The following KIF15 variants were observed in gnomAD, a reference collection of about 807,000 sequenced individuals.
The protein encoded by KIF15 is kinesin family member 15.
KIF15 carries 140 observed loss-of-function variants against 190.6 expected under a neutral mutation model. The observed-to-expected ratio is 0.73, with a 90% confidence interval of 0.64 to 0.84. The LOEUF is 0.84. Among genes scored for constraint, KIF15 ranks in the 40% least tolerant of loss-of-function variants. The pLI, the probability that KIF15 is intolerant of heterozygous loss-of-function variation, is 0.00. For synonymous variants in KIF15, 528 were observed against 551.3 expected (o/e 0.96, Z 0.59); for missense variants, 1,372 against 1,584.4 (o/e 0.87, Z 2.28).
At position 44,794,408 on chromosome 3, in the gene KIF15, A is replaced by C. The variant is rs1338802522; in HGVS notation, c.831A>C (p.Ala277=). The C allele has an allele frequency of 6.2e-7, 1 of 1,602,616 alleles. No homozygotes were observed. The highest frequency in any genetic ancestry group is 8.5e-7 in the Non-Finnish European group (1 of 1,173,820). Reference sequence around the variant, plus strand: ...CTGAAAGGCAAAAAGATACCCATGCAGAAGGGATGAGATTGAAGGTAAGAA... The same window carrying C: ...CTGAAAGGCAAAAAGATACCCATGCCGAAGGGATGAGATTGAAGGTAAGAA... ...AGSERQKDTH[A]EGMRLKEAGN... is the part of the protein sequence containing the mutation. Residue 277 remains alanine, a synonymous_variant, in exon 8 of 35, where the codon GCA becomes GCC. Coordinates refer to ENST00000326047, the MANE Select transcript of KIF15 (RefSeq NM_020242.3).
chr3:44,770,101 GT>G, intron 1 of KIF15, among the ~76,000 whole-genome samples: 1 of 152,298 alleles, frequency 6.6e-6, no homozygotes, highest in East Asian at 1.9e-4. Context: ...AGCAGGGTTA[GT>G]TTTTAAACGA....
intron 1 of KIF15, among the ~76,000 whole-genome samples, chr3:44,763,691 C>CT (rs112801334): frequency 0.022 from 3,240 of 145,838 alleles, 59 homozygotes; most frequent in Non-Finnish European, 0.029. Context: ...CGATTCCCCC[C>CT]TTTTTTTTTT....
At chr3:44,804,842 C>A (rs1423551121) in intron 14 of KIF15, among the ~76,000 whole-genome samples, 185 bp from the exon 15 acceptor site, 2 of 152,104 alleles carry the variant, frequency 1.3e-5, no homozygotes, top group Non-Finnish European at 2.9e-5. Flanking sequence ...GGCATGGTGG[C>A]ATGCACCTGT....
intron 30 of KIF15, among the ~76,000 whole-genome samples, chr3:44,845,568 A>C (rs1245358491): frequency 3.3e-5 from 5 of 152,204 alleles, no homozygotes; most frequent in Admixed American, 2.6e-4. Context: ...TGAGGCTACT[A>C]TGTTGCCAAA....
Position 44,810,741 on chromosome 3 carries a change from T to A in KIF15, c.1972-105T>A, listed in dbSNP as rs1707744347. ...TGTCTCAAGGGTACTTTTTCCTTTCTTTTCATGAATAGTATTTCAATTTTA... is the reference window on the plus strand; with the variant it reads ...TGTCTCAAGGGTACTTTTTCCTTTCATTTCATGAATAGTATTTCAATTTTA... On this transcript the variant is annotated intron_variant, in intron 16 of 34. Transcript: ENST00000326047. 3.2e-6 allele frequency: 3 copies of A among 950,738 alleles called. No individual in the cohort carries two copies. The East Asian group carries it at 7.8e-5, about 25-fold the overall frequency. The allele number at this position is 950,738 out of a possible 1,614,324, so 58.9% of individuals were successfully genotyped here. A position where few individuals can be genotyped will look rare whatever the true frequency, so the allele number is the denominator to read the frequency against.
chr3:44,808,434 A>G (rs1471732047), intron 16 of KIF15, among the ~76,000 whole-genome samples: 1 of 152,186 alleles, frequency 6.6e-6, no homozygotes, highest in Non-Finnish European at 1.5e-5. Context: ...TAAAGTTAAA[A>G]TTCCTTTTCA....
At chr3:44,842,955 T>G (rs150359509) in intron 29 of KIF15, among the ~76,000 whole-genome samples, 170 bp from the exon 30 acceptor site, 4 of 152,338 alleles carry the variant, frequency 2.6e-5, no homozygotes, top group African/African-American at 9.6e-5. Flanking sequence ...GAATCACCAT[T>G]CTAGGCCTCC....
At chr3:44,779,591 T>C (rs1054209766) in intron 4 of KIF15, among the ~76,000 whole-genome samples, 50 of 152,130 alleles carry the variant, frequency 3.3e-4, no homozygotes, top group Non-Finnish European at 3.7e-4. Flanking sequence ...TCCCAGCACT[T>C]TGGGGGGCCG....
At chr3:44,786,869 G>T (rs1706433275) in intron 7 of KIF15, among the ~76,000 whole-genome samples, 1 of 152,054 alleles carries the variant, frequency 6.6e-6, no homozygotes, top group Admixed American at 6.5e-5. Context: ...TGTTTGAGGG[G>T]CTTCTGGGAA....
At position 44,867,639 on chromosome 3, in the gene KIF15, T is replaced by C. The variant is rs78651363; in HGVS notation, c.*60-5690T>C. Among the ~76,000 whole-genome samples the C allele has an allele frequency of 8.1e-4, 124 of 152,342 alleles. 3 individuals carry two copies. In the East Asian group the frequency reaches 0.017, roughly 21 times the overall value. On this transcript the variant is annotated intron_variant and NMD_transcript_variant, in intron 6 of 6. Transcript: ENST00000422209. ...ACCCTATCACTCAATTCAACAAATA[T>C]GCCTGTATTTGTACAAGATGTACAA...
intron 1 of KIF15, among the ~76,000 whole-genome samples, chr3:44,767,130 C>T (rs867356710): frequency 6.6e-6 from 1 of 151,968 alleles, no homozygotes; most frequent in South Asian, 2.1e-4. Context: ...TTTTAAATTT[C>T]ACCAGTTTCA....
At chr3:44,862,226 G>A (rs1221993316) in intron 6 of KIF15, 1 of 560,588 alleles carries the variant, frequency 1.8e-6, no homozygotes, top group Admixed American at 6.3e-5. Context: ...TGGGGCGGGG[G>A]TGGGCGCAGG....
chr3:44,769,725 C>T (rs1337134999), intron 1 of KIF15, among the ~76,000 whole-genome samples: 2 of 151,892 alleles, frequency 1.3e-5, no homozygotes, highest in East Asian at 3.9e-4. Flanking sequence ...AGTTTGGGAC[C>T]AAAAATATGT....
intron 1 of KIF15, among the ~76,000 whole-genome samples, chr3:44,770,322 A>G (rs987649280): frequency 1.3e-5 from 2 of 152,128 alleles, no homozygotes; most frequent in Non-Finnish European, 2.9e-5. Flanking sequence ...GAGGGCTTTT[A>G]GATTGGCTTT....
At chr3:44,840,561 T>C in intron 28 of KIF15, 105 bp downstream of exon 28, 1 of 685,226 alleles carries the variant, frequency 1.5e-6, no homozygotes, top group Non-Finnish European at 2.5e-6. Context: ...AAGAAAAAGA[T>C]TTTCACTAAT....
downstream of KIF15, among the ~76,000 whole-genome samples, chr3:44,854,034 G>A (rs1699152782): frequency 6.6e-6 from 1 of 152,132 alleles, no homozygotes; most frequent in Non-Finnish European, 1.5e-5. Flanking sequence ...TTGAGGTGGT[G>A]GAAATGTTTT....
In KIF15 at chr3:44,805,938, G is replaced by A; in HGVS notation, c.1923G>A (p.Lys641=). The A allele has an allele frequency of 1.2e-6, 2 of 1,614,178 alleles. No individual in the cohort carries two copies. The highest frequency in any genetic ancestry group is 1.7e-6 in the Non-Finnish European group (2 of 1,180,010). Residue 641 remains lysine (K), a synonymous_variant, in exon 16 of 35, where the codon AAG becomes AAA. Coordinates refer to ENST00000326047, the MANE Select transcript of KIF15 (RefSeq NM_020242.3). ...TTTTGGAAGCAACAAAAGCCTGCAA[G>A]CGGCAAGAAGTTTCTCAGCTGAATA... ...ENLLEATKAC[K]RQEVSQLNKI...
rs753268347 is a variant in KIF15 at position 44,852,238 on chromosome 3, T to G, written c.4003T>G (p.Cys1335Gly). The G allele has an allele frequency of 1.9e-6, 3 of 1,613,268 alleles. No individual in the cohort carries two copies. The South Asian group carries it at 3.3e-5, about 18-fold the overall frequency. ...GGAAATGTTAAGGAAGCAGGTGGAG[T>G]GTCTTGCTGAGGAAAATGGAAAGTT... ...EMEMLRKQVE[C>G]LAEENGKLVG... Residue 1335 changes from cysteine to glycine, a missense_variant, in exon 34 of 35, where the codon TGT becomes GGT. Transcript: ENST00000326047.
At chr3:44,868,549 T>A (rs1354033037) in intron 6 of KIF15, among the ~76,000 whole-genome samples, 1 of 151,926 alleles carries the variant, frequency 6.6e-6, no homozygotes, top group Non-Finnish European at 1.5e-5. Context: ...AGAGGAGAGG[T>A]CATTTGAGGA....
Sources: allele counts gnomAD v4.1 joint callset (sites outside exome capture counted in the v4.1 genomes callset), GRCh38; gene constraint gnomAD v4.1.1; transcripts MANE v1.5; gene names NCBI Gene and HGNC (gene_info 2026-07-23, HGNC 2026-07-21).